Variants in RYR1 observed in about 807,000 individuals in gnomAD.
RYR1 encodes central core disease of muscle.
In RYR1, 342 loss-of-function variants were observed where a neutral mutation model predicts 583.5. That is an observed-to-expected ratio of 0.59 (90% CI 0.54 to 0.64). The LOEUF (loss-of-function observed/expected upper bound fraction) is 0.64, where lower values mean the gene tolerates loss of function less well. RYR1 is among the 30% of genes least tolerant of loss of function. RYR1 has a pLI of 0.00. For missense variants in RYR1, 6,032 were observed against 6,917.2 expected (o/e 0.87, Z 4.54); for synonymous variants, 2,791 against 2,822.5 (o/e 0.99, Z 0.35).
chr19:38,461,203 G>C (rs1400083280), intron 20 of RYR1, among the ~76,000 whole-genome samples: 3 of 152,034 alleles, frequency 2.0e-5, no homozygotes, highest in Non-Finnish European at 4.4e-5. Context: ...AGCCGAAGTG[G>C]GGGCCTCGCG....
intron 42 of RYR1, among the ~76,000 whole-genome samples, chr19:38,498,317 C>T (rs1266218628): frequency 1.3e-5 from 2 of 152,036 alleles, no homozygotes; most frequent in African/African-American, 2.4e-5. Context: ...CACAGGGTCC[C>T]TCTGGCTGTG....
rs966407271 is a variant in RYR1 at position 38,477,595 on chromosome 19, C to T, written c.4294-115C>T. 5 of 1,334,114 alleles carry T rather than the reference C, an allele frequency of 3.7e-6. No individual in the cohort carries two copies. The African/African-American group carries it at 5.8e-5, about 15-fold the overall frequency. 82.6% of individuals were successfully genotyped at this position (1,334,114 alleles called of 1,614,324 possible). On this transcript the variant is annotated intron_variant, in intron 29 of 105. Transcript: ENST00000359596. ...GGGGTGGGGGACTCAGATCCAACAACTTCCTGTTAAACTCCCAGAGGACCC... is the reference window on the plus strand; with the variant it reads ...GGGGTGGGGGACTCAGATCCAACAATTTCCTGTTAAACTCCCAGAGGACCC...
Position 38,579,854 on chromosome 19 carries a change from T to C in RYR1, c.14365-128T>C, listed in dbSNP as rs570381474. 1.4e-5 allele frequency: 17 copies of C among 1,177,322 alleles called. 1 individual carries two copies. Among genetic ancestry groups the C allele is most frequent in the African/African-American group, 3.0e-5 (2 of 66,662 alleles). The allele number at this position is 1,177,322 out of a possible 1,614,324, so 72.9% of individuals were successfully genotyped here. On this transcript the variant is annotated intron_variant, in intron 99 of 105. Transcript: ENST00000359596. ...TCACCCGGAATGCCCTGATCCTCCA[T>C]GTACTCCCCAAACAGAGCTGGCACC... is the stretch of plus-strand genomic sequence containing the variant.
At position 38,500,915 on chromosome 19, in the gene RYR1, G is replaced by C; in HGVS notation, c.7539G>C (p.Glu2513Asp). The C allele has an allele frequency of 6.2e-7, 1 of 1,614,086 alleles. No homozygotes were observed. The highest frequency in any genetic ancestry group is 8.5e-7 in the Non-Finnish European group (1 of 1,180,014). Reference sequence around the variant, plus strand: ...TCCTGGACCGTGTGTATGGCATCGAGAACCAGGACTTCTTGCTGCACGTGC... The same window carrying C: ...TCCTGGACCGTGTGTATGGCATCGACAACCAGGACTTCTTGCTGCACGTGC... Reference protein sequence around the residue: ...VLFLDRVYGIENQDFLLHVLD... With the variant: ...VLFLDRVYGIDNQDFLLHVLD... Residue 2513 changes from glutamate to aspartate, a missense_variant, in exon 47 of 106, where the codon GAG becomes GAC. By Grantham distance (45) the Glu-to-Asp change is conservative. Coordinates refer to ENST00000359596, the MANE Select transcript of RYR1 (RefSeq NM_000540.3). This position sits in a 1 kb window ranked among gnomAD's most constrained non-coding sequence, Gnocchi z 5.9.
Position 38,515,008 on chromosome 19 carries a change from G to A in RYR1, c.9473-18G>A, listed in dbSNP as rs745997055. 4.4e-6 allele frequency: 7 copies of A among 1,600,644 alleles called. No individual in the cohort carries two copies. The East Asian group carries it at 6.7e-5, about 15-fold the overall frequency. On this transcript the variant is annotated intron_variant, in intron 63 of 105. Coordinates refer to ENST00000359596, the MANE Select transcript of RYR1 (RefSeq NM_000540.3). ...TCTTGTGAGCGCATGCCGCAGCCTC[G>A]CCCCCTGTCTCCCTCAGTGGACGAC...
At chr19:38,502,788 G>GGGGCAT in intron 48 of RYR1, 61 bp downstream of exon 48, 2 of 1,105,844 alleles carry the variant, frequency 1.8e-6, no homozygotes, top group Non-Finnish European at 2.4e-6. Flanking sequence ...GGCAGGGGCA[G>GGGGCAT]GGGCAGGGGC....
chr19:38,557,048 TTTC>T (rs1972907474), intron 89 of RYR1, among the ~76,000 whole-genome samples: 1 of 82,922 alleles, frequency 1.2e-5, no homozygotes, highest in East Asian at 3.5e-4. Context: ...GATAGTCTCA[TTTC>T]TTTTTTTTTT....
intron 92 of RYR1, among the ~76,000 whole-genome samples, chr19:38,567,498 G>A (rs1354450388): frequency 1.3e-5 from 2 of 152,072 alleles, no homozygotes; most frequent in East Asian, 1.9e-4. Flanking sequence ...TTGAGGAGGT[G>A]TCTCCTCCAG....
chr19:38,577,442 A>G (rs1044842077), intron 97 of RYR1, among the ~76,000 whole-genome samples: 7 of 152,124 alleles, frequency 4.6e-5, no homozygotes, highest in African/African-American at 1.7e-4. Context: ...CTGACCTTCA[A>G]GTTGGAAAGA....
At chr19:38,548,818 A>G (rs1972543015) in intron 89 of RYR1, among the ~76,000 whole-genome samples, 2 of 152,136 alleles carry the variant, frequency 1.3e-5, no homozygotes, top group Non-Finnish European at 2.9e-5. Flanking sequence ...TTGGGCTCCA[A>G]CAATTCTCCT....
rs74493019 is a variant in RYR1, at chr19:38,495,775, T to A, written c.6549-440T>A. 2.4e-3 allele frequency among the ~76,000 whole-genome samples: 365 copies of A among 152,184 alleles called. 12 individuals carry two copies. The East Asian group carries it at 0.038, about 16-fold the overall frequency. The stretch of plus-strand genomic sequence containing the variant: ...CCACAGTGGCTGTAGGAATTTTTTT[T>A]TTTTATTTTTTGAGATGGAGTCTTG... On this transcript the variant is annotated intron_variant, in intron 39 of 105. Coordinates refer to ENST00000359596, the MANE Select transcript of RYR1 (RefSeq NM_000540.3).
chr19:38,586,679 T>TAGGGCTG (rs1974505978), intron 105 of RYR1, 103 bp downstream of exon 105: 1 of 1,175,940 alleles, frequency 8.5e-7, no homozygotes, highest in African/African-American at 1.5e-5. Flanking sequence ...TATCAAGGGT[T>TAGGGCTG]AGGGCTGGGG....
chr19:38,480,945 C>G (rs1250968517), intron 31 of RYR1, among the ~76,000 whole-genome samples: 2 of 151,978 alleles, frequency 1.3e-5, no homozygotes, highest in Non-Finnish European at 2.9e-5. Flanking sequence ...CCAGCCTGGT[C>G]TTGAACTCCT....
In RYR1 at chr19:38,567,920, A is replaced by G; in HGVS notation, c.13659+3A>G. 1 of 1,613,000 alleles carries G rather than the reference A, an allele frequency of 6.2e-7. No homozygotes were observed. Among genetic ancestry groups the G allele is most frequent in the Non-Finnish European group, 8.5e-7 (1 of 1,179,878 alleles). ...AGGTGCAGAGGGTGAAGTTCCTGGT[A>G]AGGATCCAGCCAGGTCACCTGAACC... On this transcript the variant is annotated splice_donor_region_variant and intron_variant, in intron 93 of 105. Coordinates refer to ENST00000359596, the MANE Select transcript of RYR1 (RefSeq NM_000540.3).
At chr19:38,468,064 C>T (rs1189837838) in intron 25 of RYR1, among the ~76,000 whole-genome samples, 2 of 54,786 alleles carry the variant, frequency 3.7e-5, no homozygotes, top group East Asian at 4.4e-4. Flanking sequence ...ATCCATCCAT[C>T]CATCCATCCA....
rs1568506300 is a variant in RYR1 at position 38,502,770 on chromosome 19, G to GGGGCAC, written c.7835+48_7835+49insCGGGCA. 3.9e-6 allele frequency: 4 copies of GGGGCAC among 1,033,078 alleles called. No individual in the cohort carries two copies. In the South Asian group the frequency reaches 6.1e-5, roughly 16 times the overall value. The allele number at this position is 1,033,078 out of a possible 1,614,324, so 64.0% of individuals were successfully genotyped here. ...TCAGGGTGGGGCAGGGGCAGGGGCAGGGGCAGGGGCAGGGGCAGGGGCAGG... is the reference window on the plus strand; with the variant it reads ...TCAGGGTGGGGCAGGGGCAGGGGCAGGGGCACGGGCAGGGGCAGGGGCAGGGGCAGG... On this transcript the variant is annotated intron_variant, in intron 48 of 105. Transcript: ENST00000359596.
chr19:38,514,878 C>A, intron 63 of RYR1, 148 bp from the exon 64 acceptor site: 1 of 684,458 alleles, frequency 1.5e-6, no homozygotes, highest in Admixed American at 2.1e-5. Flanking sequence ...TGGTAACTTG[C>A]TCAAGTCACA....
At chr19:38,557,985 AAATAAAATAATAC>A (rs1350430523) in intron 89 of RYR1, among the ~76,000 whole-genome samples, 8 of 152,130 alleles carry the variant, frequency 5.3e-5, no homozygotes, top group Admixed American at 5.2e-4. Flanking sequence ...CTCAAAAATA[AAATAAAATAATAC>A]AATAAAATAT....
intron 99 of RYR1, among the ~76,000 whole-genome samples, chr19:38,579,424 C>CAA (rs556139705): frequency 1.8e-5 from 2 of 110,784 alleles, no homozygotes; most frequent in African/African-American, 3.4e-5. Flanking sequence ...GACTCCATCT[C>CAA]AAAAAAAAAA....
Sources: gnomAD v4.1 joint callset for allele counts (sites outside exome capture counted in the v4.1 genomes callset) on GRCh38, gnomAD v4.1.1 for gene constraint, Gnocchi (gnomAD v3.1) non-coding constraint, MANE v1.5 for transcripts, NCBI Gene and HGNC (gene_info 2026-07-23, HGNC 2026-07-21) for gene names.